FHOD3: variants seen among roughly 807,000 people sequenced by gnomAD.
FHOD3 encodes formin homology 2 domain containing 3.
FHOD3 carries 90 observed loss-of-function variants against 173.0 expected under a neutral mutation model. That is an observed-to-expected ratio of 0.52 (90% CI 0.44 to 0.62). FHOD3 has a LOEUF of 0.62. Among genes scored for constraint, FHOD3 ranks in the 20% least tolerant of loss-of-function variants. FHOD3 has a pLI of 0.00. For synonymous variants in FHOD3, 828 were observed against 823.0 expected, an observed-to-expected ratio of 1.01 and a Z score of -0.10; for missense variants, 1,945 against 2,034.7, an observed-to-expected ratio of 0.96 and a Z score of 0.85.
chr18:36,456,520 G>A (rs1156487808), intron 3 of FHOD3, among the ~76,000 whole-genome samples: 2 of 152,080 alleles, frequency 1.3e-5, no homozygotes, highest in Non-Finnish European at 2.9e-5. Flanking sequence ...TATGTCATGG[G>A]TAAGAATGGA....
chr18:36,468,773 G>A (rs970495908), intron 3 of FHOD3, among the ~76,000 whole-genome samples: 6 of 152,140 alleles, frequency 3.9e-5, no homozygotes, highest in African/African-American at 1.4e-4. Flanking sequence ...ACCACCCCAG[G>A]CCCTGCTGTG....
chr18:36,570,970 G>A lies in FHOD3; in HGVS notation c.512-5481G>A, dbSNP rs573825121. Reference sequence around the variant, plus strand: ...CTAATATTAGGAACAAGGCAAGGGTGTTCACTCTCACCACGCCCATTGAAT... The same window carrying A: ...CTAATATTAGGAACAAGGCAAGGGTATTCACTCTCACCACGCCCATTGAAT... On this transcript the variant is annotated intron_variant, in intron 5 of 28. Transcript: ENST00000590592. Among the ~76,000 whole-genome samples the A allele has an allele frequency of 2.0e-5, 3 of 152,240 alleles. No homozygotes were observed. In the South Asian group the frequency reaches 6.2e-4, roughly 32 times the overall value.
At position 36,718,326 on chromosome 18, in the gene FHOD3, G is replaced by C. The variant is rs2040572032; in HGVS notation, c.3028G>C (p.Asp1010His). ...GGAGGAGGATGACATTGATGTCCTA[G>C]ATGTGGACCTGGGTCACAGGGAGGC... is the stretch of plus-strand genomic sequence containing the variant. ...LGEEDDIDVL[D>H]VDLGHREAPG... Residue 1010 changes from aspartate (D) to histidine (H), a missense_variant, in exon 19 of 29, where the codon GAT becomes CAT. Asp to His is a moderately conservative substitution (Grantham distance 81). This residue lies in a region of FHOD3 where 1,099 missense variants were observed against 1,051.2 expected (regional missense o/e 1.05). Transcript: ENST00000590592. The C allele has an allele frequency of 6.2e-7, 1 of 1,613,920 alleles. No individual in the cohort carries two copies. Among genetic ancestry groups the C allele is most frequent in the African/African-American group, 1.3e-5 (1 of 74,898 alleles).
At chr18:36,619,683 C>A (rs956972436) in intron 9 of FHOD3, among the ~76,000 whole-genome samples, 1 of 152,226 alleles carries the variant, frequency 6.6e-6, no homozygotes, top group Non-Finnish European at 1.5e-5. Context: ...GCCCTGGTGA[C>A]CCAGCACATC....
intron 21 of FHOD3, among the ~76,000 whole-genome samples, chr18:36,741,990 C>T (rs766274790): frequency 2.6e-5 from 4 of 152,108 alleles, no homozygotes; most frequent in Non-Finnish European, 5.9e-5. Context: ...ACAGCATGCT[C>T]AGGTGACTTT....
chr18:36,687,221 AC>A (rs765054741), intron 16 of FHOD3, 43 bp downstream of exon 16: 1 of 1,426,142 alleles, frequency 7.0e-7, no homozygotes, highest in Admixed American at 1.7e-5. Context: ...ATGGCATGTG[AC>A]TTTGCACTGT....
intron 18 of FHOD3, chr18:36,711,139 G>T (rs2040148970): frequency 6.6e-6 from 1 of 152,184 alleles, no homozygotes; most frequent in Non-Finnish European, 1.5e-5. Context: ...CTTTGCTTCA[G>T]TGCTGTTATG....
chr18:36,297,733 C>T lies in FHOD3; in HGVS notation c.-103C>T, dbSNP rs1357207657. 6 of 928,746 alleles carry T rather than the reference C, an allele frequency of 6.5e-6. No individual in the cohort carries two copies. The highest frequency in any genetic ancestry group is 6.9e-6 in the Non-Finnish European group (5 of 724,808). The allele number at this position is 928,746 out of a possible 1,614,324, so 57.5% of individuals were successfully genotyped here. A position where few individuals can be genotyped will look rare whatever the true frequency, so the allele number is the denominator to read the frequency against. ...CGCCTGAGCCTGCGAGTCCGCGAGC[C>T]AGCGAGCTGCGGCTGCGGCCTCCCC... On this transcript the variant is annotated 5_prime_UTR_variant, in exon 1 of 29. Coordinates refer to ENST00000590592, the MANE Select transcript of FHOD3 (RefSeq NM_001281740.3).
intron 3 of FHOD3, among the ~76,000 whole-genome samples, chr18:36,453,489 C>T (rs909838298): frequency 2.6e-5 from 4 of 152,240 alleles, no homozygotes; most frequent in African/African-American, 7.2e-5. Flanking sequence ...TTACAGTGGG[C>T]GTATGCCCCT....
intron 1 of FHOD3, among the ~76,000 whole-genome samples, chr18:36,299,399 A>C (rs778811001): frequency 6.6e-6 from 1 of 152,212 alleles, no homozygotes; most frequent in African/African-American, 2.4e-5. Flanking sequence ...CTTCTCAATT[A>C]GTTGATTCAG....
intron 1 of FHOD3, among the ~76,000 whole-genome samples, chr18:36,324,083 TG>T (rs1374666506): frequency 6.6e-6 from 1 of 152,222 alleles, no homozygotes; most frequent in East Asian, 1.9e-4. Context: ...AATAGACCAG[TG>T]GAACAGCATA....
At chr18:36,750,727 T>C (rs916948058) in intron 24 of FHOD3, among the ~76,000 whole-genome samples, 1 of 152,238 alleles carries the variant, frequency 6.6e-6, no homozygotes, top group African/African-American at 2.4e-5. Context: ...CCCAGCACCA[T>C]TTATTGAATA....
At chr18:36,736,855 A>AC (rs1269274884) in intron 20 of FHOD3, among the ~76,000 whole-genome samples, 2 of 152,184 alleles carry the variant, frequency 1.3e-5, no homozygotes, top group Non-Finnish European at 2.9e-5. Flanking sequence ...CAGGCACCCC[A>AC]CCCTTTTCTG....
At chr18:36,499,522 TTTATTC>T (rs2054918473) in intron 3 of FHOD3, among the ~76,000 whole-genome samples, 1 of 152,202 alleles carries the variant, frequency 6.6e-6, no homozygotes, top group Admixed American at 6.5e-5. Flanking sequence ...ACTTGATAGT[TTTATTC>T]TTATTTATTA....
chr18:36,677,805 A>G (rs2037959597), intron 14 of FHOD3, among the ~76,000 whole-genome samples: 1 of 152,244 alleles, frequency 6.6e-6, no homozygotes, highest in African/African-American at 2.4e-5. Flanking sequence ...TATTGATTTG[A>G]AATTGTATTA....
At chr18:36,489,516 T>G (rs887151672) in intron 3 of FHOD3, among the ~76,000 whole-genome samples, 22 of 151,918 alleles carry the variant, frequency 1.4e-4, no homozygotes, top group African/African-American at 5.3e-4. Flanking sequence ...TACAAAAAAT[T>G]TAAAAATTAG....
chr18:36,705,038 C>G (rs1025297326), intron 17 of FHOD3, among the ~76,000 whole-genome samples: 6 of 152,204 alleles, frequency 3.9e-5, no homozygotes, highest in Admixed American at 3.9e-4. Flanking sequence ...TCCACACTGA[C>G]TAGGGGCCTC....
chr18:36,455,483 T>A (rs1024421207), intron 3 of FHOD3, among the ~76,000 whole-genome samples: 1 of 152,210 alleles, frequency 6.6e-6, no homozygotes, highest in Admixed American at 6.5e-5. Flanking sequence ...TCTATTATGA[T>A]TCTTTCAAAA....
chr18:36,516,022 G>A (rs1188287666), intron 5 of FHOD3, among the ~76,000 whole-genome samples: 1 of 152,248 alleles, frequency 6.6e-6, no homozygotes, highest in Non-Finnish European at 1.5e-5. Flanking sequence ...TTCTTGGGAC[G>A]TGACATTTGC....
Sources: allele counts gnomAD v4.1 joint callset (sites outside exome capture counted in the v4.1 genomes callset), GRCh38; gene constraint gnomAD v4.1.1; regional missense constraint gnomAD v4.1.1; transcripts MANE v1.5; gene names NCBI Gene and HGNC (gene_info 2026-07-23, HGNC 2026-07-21).